NTRK3: variants seen among roughly 807,000 people sequenced by gnomAD.
The protein encoded by NTRK3 is NT-3 growth factor receptor.
NTRK3 carries 24 observed loss-of-function variants against 91.7 expected under a neutral mutation model. The ratio of observed to expected loss-of-function variants is 0.26; its 90% confidence interval spans 0.19 to 0.37. NTRK3 has a LOEUF of 0.37. Among genes scored for constraint, NTRK3 ranks in the 10% least tolerant of loss-of-function variants. The pLI, the probability that NTRK3 is intolerant of heterozygous loss-of-function variation, is 1.00. For missense variants in NTRK3, 880 were observed against 1,068.9 expected, an observed-to-expected ratio of 0.82 and a Z score of 2.46; for synonymous variants, 483 against 404.0, an observed-to-expected ratio of 1.20 and a Z score of -2.34.
chr15:88,185,314 A>C (rs1331747553), intron 3 of NTRK3, among the ~76,000 whole-genome samples: 2 of 152,238 alleles, frequency 1.3e-5, no homozygotes, highest in African/African-American at 4.8e-5. Flanking sequence ...ATTCCAGCCC[A>C]AAGCAAAGAA....
intron 17 of NTRK3, among the ~76,000 whole-genome samples, chr15:87,919,700 A>T (rs941506856): frequency 6.6e-6 from 1 of 152,222 alleles, no homozygotes; most frequent in Non-Finnish European, 1.5e-5. Context: ...TGAATCTTGG[A>T]CAATTATCCT....
chr15:87,974,988 C>G (rs1402956506), intron 14 of NTRK3, among the ~76,000 whole-genome samples: 3 of 152,158 alleles, frequency 2.0e-5, no homozygotes, highest in African/African-American at 7.2e-5. Flanking sequence ...TTTGAGGTGT[C>G]AGGCAGTCCC....
rs575226470 is a variant in NTRK3 at position 88,171,302 on chromosome 15, C to T, written c.395+12116G>A. ...ATAACAGTAATACACTGACAAAGCT[C>T]CCTCTTGGTAATGGCAATACACTGA... On this transcript the variant is annotated intron_variant, in intron 5 of 18. Transcript: ENST00000394480. Among the ~76,000 whole-genome samples, 3 of 152,174 alleles carry T rather than the reference C, an allele frequency of 2.0e-5. No homozygotes were observed. The South Asian group carries it at 6.2e-4, about 32-fold the overall frequency.
chr15:88,003,412 A>C (rs926595502), intron 14 of NTRK3, among the ~76,000 whole-genome samples: 6 of 152,230 alleles, frequency 3.9e-5, no homozygotes, highest in Admixed American at 3.9e-4. Flanking sequence ...CTGAGAGCTA[A>C]CTTTGCACCA....
chr15:88,030,827 A>G (rs1020789457), intron 14 of NTRK3, among the ~76,000 whole-genome samples: 6 of 151,960 alleles, frequency 3.9e-5, no homozygotes, highest in Non-Finnish European at 8.8e-5. Context: ...CATATTTATC[A>G]TGTACATTGT....
At chr15:88,070,122 C>T (rs112293896) in intron 13 of NTRK3, among the ~76,000 whole-genome samples, 27 of 152,224 alleles carry the variant, frequency 1.8e-4, no homozygotes, top group East Asian at 1.7e-3. Context: ...AAATATGAGA[C>T]GTCCTCTATG....
chr15:87,910,210 G>A (rs999949990), intron 17 of NTRK3, among the ~76,000 whole-genome samples: 1 of 152,174 alleles, frequency 6.6e-6, no homozygotes, highest in African/African-American at 2.4e-5. Context: ...GGAGGGATGA[G>A]GAAGTTCGAG....
intron 13 of NTRK3, among the ~76,000 whole-genome samples, chr15:88,091,578 C>A (rs1458594154): frequency 6.6e-6 from 1 of 152,104 alleles, no homozygotes; most frequent in East Asian, 1.9e-4. Flanking sequence ...GTAGGGAGAT[C>A]ACACACATGA....
At chr15:88,180,446 A>G (rs1258821468) in intron 5 of NTRK3, among the ~76,000 whole-genome samples, 5 of 152,228 alleles carry the variant, frequency 3.3e-5, no homozygotes, top group African/African-American at 1.2e-4. Context: ...AAGGCCCAAG[A>G]GTCCTAATCT....
chr15:88,036,047 C>CAG (rs35656578), intron 13 of NTRK3, among the ~76,000 whole-genome samples: 16 of 151,670 alleles, frequency 1.1e-4, no homozygotes, highest in African/African-American at 2.7e-4. Flanking sequence ...AAAGAAATCC[C>CAG]AGAGAGAGAG....
At chr15:87,887,626 A>G (rs776254036) in intron 17 of NTRK3, among the ~76,000 whole-genome samples, 1 of 152,182 alleles carries the variant, frequency 6.6e-6, no homozygotes, top group Non-Finnish European at 1.5e-5. Context: ...ATCTTCCTCC[A>G]AGGTGACCAA....
chr15:87,988,388 G>T (rs2075017419), intron 14 of NTRK3, among the ~76,000 whole-genome samples: 2 of 152,154 alleles, frequency 1.3e-5, no homozygotes, highest in Admixed American at 1.3e-4. Context: ...AAGGACATTT[G>T]GGGGAAACTG....
intron 13 of NTRK3, among the ~76,000 whole-genome samples, chr15:88,114,426 CA>C (rs528498489): frequency 1.1e-4 from 17 of 150,924 alleles, no homozygotes; most frequent in South Asian, 4.2e-4. Context: ...TTTACAACAA[CA>C]AAAAAAAATG....
At chr15:88,220,288 G>C (rs931427165) in intron 3 of NTRK3, among the ~76,000 whole-genome samples, 1 of 152,164 alleles carries the variant, frequency 6.6e-6, no homozygotes, top group African/African-American at 2.4e-5. Flanking sequence ...GGGTCCTACT[G>C]TAGGCACGGA....
chr15:88,230,904 T>G (rs961924529), intron 3 of NTRK3, among the ~76,000 whole-genome samples: 4 of 152,262 alleles, frequency 2.6e-5, no homozygotes, highest in African/African-American at 9.6e-5. Flanking sequence ...TGCCAGTTGG[T>G]TGACGCCCAT....
Position 88,049,189 on chromosome 15 carries a change from G to A in NTRK3, c.1397-16144C>T, listed in dbSNP as rs772244930. On this transcript the variant is annotated intron_variant, in intron 13 of 18. Coordinates refer to ENST00000394480, the Ensembl canonical transcript of NTRK3. ...GTCTTGTCTCCTGCTCAAATGGACCGCATGCAAGAGGCATGGAAGTGATGC... is the reference window on the plus strand; with the variant it reads ...GTCTTGTCTCCTGCTCAAATGGACCACATGCAAGAGGCATGGAAGTGATGC... Among the ~76,000 whole-genome samples, 32 of 152,262 alleles carry A rather than the reference G, an allele frequency of 2.1e-4. 1 individual carries two copies. Among genetic ancestry groups the A allele is most frequent in the African/African-American group, 7.5e-4 (31 of 41,544 alleles).
chr15:88,163,507 A>T (rs2044656284), intron 5 of NTRK3, among the ~76,000 whole-genome samples: 1 of 152,172 alleles, frequency 6.6e-6, no homozygotes, highest in South Asian at 2.1e-4. Flanking sequence ...ATGTCAAATC[A>T]TGTATCTCTC....
intron 5 of NTRK3, among the ~76,000 whole-genome samples, chr15:88,149,817 C>T (rs890251834): frequency 1.3e-5 from 2 of 152,230 alleles, no homozygotes; most frequent in African/African-American, 4.8e-5. Flanking sequence ...TGCTCTGAGT[C>T]TCCATTGCCA....
At chr15:88,077,654 T>A (rs141244830) in intron 13 of NTRK3, among the ~76,000 whole-genome samples, 92 of 152,034 alleles carry the variant, frequency 6.1e-4, no homozygotes, top group African/African-American at 2.2e-3. Context: ...CTGAACACAG[T>A]AGGGGTACTC....
Sources: allele counts gnomAD v4.1 joint callset (sites outside exome capture counted in the v4.1 genomes callset), GRCh38; gene constraint gnomAD v4.1.1; transcripts MANE v1.5; gene names NCBI Gene and HGNC (gene_info 2026-07-23, HGNC 2026-07-21).